The following USP54 variants were observed in gnomAD, a reference collection of about 807,000 sequenced individuals.
USP54 encodes the protein ubiquitin specific peptidase 54.
USP54 carries 87 observed loss-of-function variants against 170.5 expected under a neutral mutation model. The ratio of observed to expected loss-of-function variants is 0.51; its 90% CI spans 0.43 to 0.61. USP54 has a LOEUF of 0.61. Ranked by LOEUF, USP54 falls within the 20% of genes least tolerant of loss-of-function variation. The probability of loss-of-function intolerance (pLI) is 0.00; values close to 1 mark genes in which losing one functional copy is unlikely to be tolerated. For missense variants in USP54, 1,786 were observed against 2,047.8 expected, an observed-to-expected ratio of 0.87 and a Z score of 2.47; for synonymous variants, 655 against 742.8, an observed-to-expected ratio of 0.88 and a Z score of 1.92.
intron 4 of USP54, among the ~76,000 whole-genome samples, chr10:73,556,590 C>G (rs189614712): frequency 1.3e-4 from 20 of 152,080 alleles, no homozygotes; most frequent in South Asian, 6.3e-4. Context: ...GTGATCCACC[C>G]GTCTCGGCCT....
At chr10:73,526,567 A>G (rs1188618721) in intron 16 of USP54, 80 bp downstream of exon 16, 1 of 1,574,202 alleles carries the variant, frequency 6.4e-7, no homozygotes, top group African/African-American at 1.4e-5. Context: ...CTCTAATTTC[A>G]AATGTGCTCA....
chr10:73,549,610 T>C (rs2068741010), intron 4 of USP54, among the ~76,000 whole-genome samples: 1 of 152,030 alleles, frequency 6.6e-6, no homozygotes, highest in Non-Finnish European at 1.5e-5. Context: ...CTATTTCCAC[T>C]CTCAAATATA....
intron 4 of USP54, among the ~76,000 whole-genome samples, chr10:73,550,405 C>T (rs1389459985): frequency 2.0e-5 from 3 of 152,138 alleles, no homozygotes; most frequent in Admixed American, 6.5e-5. Context: ...TAATAGAGTA[C>T]TTCCTGATCA....
intron 4 of USP54, among the ~76,000 whole-genome samples, chr10:73,567,249 T>C (rs2074061819): frequency 1.3e-5 from 2 of 152,344 alleles, no homozygotes; most frequent in Admixed American, 6.5e-5. Context: ...CTCGTTATAC[T>C]GGATTTCTGT....
chr10:73,580,809 CT>C (rs1399173234), intron 1 of USP54, among the ~76,000 whole-genome samples: 1 of 152,088 alleles, frequency 6.6e-6, no homozygotes, highest in Non-Finnish European at 1.5e-5. Flanking sequence ...CAACTCCTGA[CT>C]TCAGGTGATC....
At chr10:73,509,333 G>T (rs977105469) in intron 20 of USP54, among the ~76,000 whole-genome samples, 15 of 151,688 alleles carry the variant, frequency 9.9e-5, no homozygotes, top group African/African-American at 3.6e-4. Flanking sequence ...CAGGTGCAGT[G>T]GCTCATGCCT....
chr10:73,610,992 A>C (rs1370799574), intron 1 of USP54, among the ~76,000 whole-genome samples: 1 of 152,222 alleles, frequency 6.6e-6, no homozygotes, highest in Non-Finnish European at 1.5e-5. Context: ...CTTTTCCTTA[A>C]AAGTCACTTA....
chr10:73,566,352 A>C (rs1458774689), intron 4 of USP54, among the ~76,000 whole-genome samples: 1 of 152,248 alleles, frequency 6.6e-6, no homozygotes, highest in African/African-American at 2.4e-5. Context: ...ATTTGCATAC[A>C]ATGATTCCAT....
chr10:73,549,047 C>T (rs1485575457), intron 4 of USP54, among the ~76,000 whole-genome samples: 1 of 152,164 alleles, frequency 6.6e-6, no homozygotes, highest in East Asian at 1.9e-4. Context: ...CTTGACCTAT[C>T]AGCAGCATTT....
chr10:73,574,109 G>C (rs2075718500), intron 3 of USP54, among the ~76,000 whole-genome samples: 1 of 152,180 alleles, frequency 6.6e-6, no homozygotes, highest in Non-Finnish European at 1.5e-5. Flanking sequence ...TTACTTGAAA[G>C]TTAGGCCAAG....
At chr10:73,616,250 A>C (rs1466624822) in intron 1 of USP54, among the ~76,000 whole-genome samples, 1 of 145,380 alleles carries the variant, frequency 6.9e-6, no homozygotes, top group African/African-American at 2.7e-5. Context: ...AGGCAGGAGA[A>C]CTGCTTGAGC....
chr10:73,610,595 G>A (rs1403821206), intron 1 of USP54, among the ~76,000 whole-genome samples: 1 of 151,998 alleles, frequency 6.6e-6, no homozygotes, highest in Non-Finnish European at 1.5e-5. Context: ...CTGCACTGCA[G>A]CCTGGACCAC....
intron 1 of USP54, among the ~76,000 whole-genome samples, chr10:73,617,881 T>G (rs1377047552): frequency 1.3e-5 from 2 of 149,924 alleles, no homozygotes; most frequent in South Asian, 2.1e-4. Flanking sequence ...CACTCCAGCC[T>G]AGGCAACAAA....
At chr10:73,501,908 C>T (rs1469186221) in intron 22 of USP54, among the ~76,000 whole-genome samples, 1 of 152,170 alleles carries the variant, frequency 6.6e-6, no homozygotes, top group Admixed American at 6.5e-5. Flanking sequence ...TCCCTCACTA[C>T]CCTACTATCA....
chr10:73,625,367 G>C (rs112655994), intron 1 of USP54, among the ~76,000 whole-genome samples: 1 of 152,104 alleles, frequency 6.6e-6, no homozygotes, highest in African/African-American at 2.4e-5. Flanking sequence ...TCTCCGGAAA[G>C]AGGGAAAGGA....
intron 1 of USP54, among the ~76,000 whole-genome samples, chr10:73,606,175 C>CAAAAAAAAAAAAAAAAAAAAAAAAAA: frequency 3.9e-5 from 1 of 25,622 alleles, no homozygotes; most frequent in African/African-American, 1.0e-4. Context: ...GAGGCTGTCT[C>CAAAAAAAAAAAAAAAAAAAAAAAAAA]AAAAAAAAAA....
intron 4 of USP54, among the ~76,000 whole-genome samples, chr10:73,560,686 A>G (rs2072698427): frequency 6.6e-6 from 1 of 150,424 alleles, no homozygotes; most frequent in African/African-American, 2.4e-5. Context: ...AAAAAAAAAA[A>G]AAAGTGAGAC....
chr10:73,520,408 G>C (rs1156616248), intron 18 of USP54, among the ~76,000 whole-genome samples: 1 of 152,116 alleles, frequency 6.6e-6, no homozygotes, highest in African/African-American at 2.4e-5. Context: ...AGCTTCTTGT[G>C]GGTCACATAC....
At chr10:73,516,351 C>T in intron 20 of USP54, 24 bp downstream of exon 20, 1 of 1,585,214 alleles carries the variant, frequency 6.3e-7, no homozygotes, top group South Asian at 1.2e-5. Context: ...CCCCCCTCCC[C>T]CCAACCCCTG....
Sources: gnomAD v4.1 joint callset for allele counts (sites outside exome capture counted in the v4.1 genomes callset) on GRCh38, gnomAD v4.1.1 for gene constraint, MANE v1.5 for transcripts, NCBI Gene and HGNC (gene_info 2026-07-23, HGNC 2026-07-21) for gene names.